The following GABRA2 variants were observed in gnomAD, a reference collection of about 807,000 sequenced individuals.
GABRA2 encodes gamma-aminobutyric acid type A receptor subunit alpha2.
In GABRA2, 16 loss-of-function variants were observed where a neutral mutation model predicts 48.7. The observed-to-expected ratio is 0.33, with a 90% CI of 0.22 to 0.50. The LOEUF (loss-of-function observed/expected upper bound fraction) is 0.50, where lower values mean the gene tolerates loss of function less well. Ranked by LOEUF, GABRA2 falls within the 20% of genes least tolerant of loss-of-function variation. The probability of loss-of-function intolerance (pLI) is 0.98; values close to 1 mark genes in which losing one functional copy is unlikely to be tolerated. For missense variants in GABRA2, 275 were observed against 535.6 expected, an observed-to-expected ratio of 0.51 and a Z score of 4.80; for synonymous variants, 185 against 184.5, an observed-to-expected ratio of 1.00 and a Z score of -0.02.
At chr4:46,295,666 T>C (rs1724499597) in intron 8 of GABRA2, among the ~76,000 whole-genome samples, 1 of 152,122 alleles carries the variant, frequency 6.6e-6, no homozygotes, top group African/African-American at 2.4e-5. Context: ...CACTGCTGGG[T>C]ACCCGATTTG....
intron 3 of GABRA2, among the ~76,000 whole-genome samples, chr4:46,373,718 G>T (rs1715277770): frequency 6.6e-6 from 1 of 152,004 alleles, no homozygotes; most frequent in African/African-American, 2.4e-5. Context: ...AACTCCCATT[G>T]TTGTATGATA....
intron 8 of GABRA2, among the ~76,000 whole-genome samples, chr4:46,299,699 C>A (rs1725402507): frequency 6.7e-6 from 1 of 149,360 alleles, no homozygotes. Context: ...TTTGTCTACC[C>A]AACCACATTA....
chr4:46,296,690 T>TG (rs1337417800), intron 8 of GABRA2, among the ~76,000 whole-genome samples: 2 of 139,100 alleles, frequency 1.4e-5, no homozygotes, highest in African/African-American at 5.3e-5. Context: ...CCTGCTGAGG[T>TG]GCTTGCTGAA....
chr4:46,309,542 T>A (rs1727276346), intron 6 of GABRA2, among the ~76,000 whole-genome samples: 1 of 151,886 alleles, frequency 6.6e-6, no homozygotes, highest in Admixed American at 6.6e-5. Flanking sequence ...TTGACCTTCC[T>A]CCTTTTCAAT....
intron 8 of GABRA2, among the ~76,000 whole-genome samples, chr4:46,268,269 G>C (rs1181923715): frequency 6.6e-6 from 1 of 151,720 alleles, no homozygotes; most frequent in Non-Finnish European, 1.5e-5. Context: ...TATGTGAATT[G>C]GTAGAAAAAA....
intron 8 of GABRA2, among the ~76,000 whole-genome samples, chr4:46,270,966 C>A (rs1424693390): frequency 6.7e-6 from 1 of 149,708 alleles, no homozygotes; most frequent in African/African-American, 2.4e-5. Context: ...AAATGAGTTT[C>A]TTCATGTAAA....
At chr4:46,317,751 A>T (rs776956709) in intron 4 of GABRA2, among the ~76,000 whole-genome samples, 323 of 150,792 alleles carry the variant, frequency 2.1e-3, no homozygotes, top group Non-Finnish European at 3.9e-3. Context: ...TGAGCCAGGT[A>T]AAAAAAAATG....
At chr4:46,327,748 A>C (rs1352041855) in intron 4 of GABRA2, among the ~76,000 whole-genome samples, 3 of 152,016 alleles carry the variant, frequency 2.0e-5, no homozygotes, top group Non-Finnish European at 4.4e-5. Flanking sequence ...AGAGGAAGAA[A>C]AGTATTAACT....
In GABRA2 at chr4:46,250,554, A is replaced by T. The variant is rs1435164674; in HGVS notation, c.1110T>A (p.Ala370=). ...AAAGATTCGGGGCATAATTGGCAACAGCCACTGCATAAGCGTTGTTCTGTA... is the reference window on the plus strand; with the variant it reads ...AAAGATTCGGGGCATAATTGGCAACTGCCACTGCATAAGCGTTGTTCTGTA... ...VMIQNNAYAV[A]VANYAPNLSK... is the part of the protein sequence containing the mutation. The change falls in exon 10 of 10, where the codon GCT becomes GCA. Residue 370 remains alanine (A), a synonymous_variant. Transcript: ENST00000381620. 1.2e-6 allele frequency: 2 copies of T among 1,611,586 alleles called. No individual in the cohort carries two copies. The highest frequency in any genetic ancestry group is 2.7e-5 in the African/African-American group (2 of 74,734).
At chr4:46,273,727 T>C (rs1719944726) in intron 8 of GABRA2, among the ~76,000 whole-genome samples, 1 of 151,938 alleles carries the variant, frequency 6.6e-6, no homozygotes, top group Admixed American at 6.6e-5. Flanking sequence ...CAGGATAGTC[T>C]TGGTATCAGA....
At chr4:46,262,931 GAAAGAAGAAAGAA>G (rs1215811063) in intron 8 of GABRA2, among the ~76,000 whole-genome samples, 1 of 112,980 alleles carries the variant, frequency 8.9e-6, no homozygotes, top group African/African-American at 3.5e-5. Context: ...GAGAGAGAAA[GAAAGAAGAAAGAA>G]AGAAAGAAAG....
chr4:46,345,265 C>T (rs1257778831), intron 3 of GABRA2, among the ~76,000 whole-genome samples: 1 of 151,802 alleles, frequency 6.6e-6, no homozygotes, highest in Non-Finnish European at 1.5e-5. Context: ...TATAAATTAC[C>T]CAGTCTTGGG....
chr4:46,276,680 T>C (rs1720577781), intron 8 of GABRA2, among the ~76,000 whole-genome samples: 1 of 151,960 alleles, frequency 6.6e-6, no homozygotes, highest in Non-Finnish European at 1.5e-5. Flanking sequence ...CAGGGAGATC[T>C]AATGTCAAAT....
chr4:46,376,996 T>C (rs1167134915), intron 3 of GABRA2, among the ~76,000 whole-genome samples: 4 of 152,182 alleles, frequency 2.6e-5, no homozygotes, highest in Non-Finnish European at 4.4e-5. Flanking sequence ...CTCGGCATCC[T>C]GAGGTGCCGG....
chr4:46,325,343 T>C (rs1227313636), intron 4 of GABRA2, among the ~76,000 whole-genome samples: 1 of 152,056 alleles, frequency 6.6e-6, no homozygotes, highest in Non-Finnish European at 1.5e-5. Context: ...ATTAATGATG[T>C]TGAACATTTT....
chr4:46,317,377 T>A (rs1196851665), intron 4 of GABRA2, among the ~76,000 whole-genome samples: 1 of 151,782 alleles, frequency 6.6e-6, no homozygotes, highest in African/African-American at 2.4e-5. Flanking sequence ...AGAATCTCGA[T>A]TTTTATATAT....
chr4:46,350,220 G>C (rs1041052145), intron 3 of GABRA2, among the ~76,000 whole-genome samples: 2 of 151,832 alleles, frequency 1.3e-5, no homozygotes, highest in Non-Finnish European at 2.9e-5. Context: ...AACACAACCA[G>C]TAAAAGGATT....
At position 46,247,777 on chromosome 4, in the gene GABRA2, A is replaced by G. The variant is rs1713979812; in HGVS notation, c.*2531T>C. Among the ~76,000 whole-genome samples, 1 of 151,434 alleles carries G rather than the reference A, an allele frequency of 6.6e-6. No individual in the cohort carries two copies. The highest frequency in any genetic ancestry group is 2.0e-4 in the East Asian group (1 of 5,120). On this transcript the variant is annotated 3_prime_UTR_variant, in exon 10 of 10. Transcript: ENST00000381620. ...TTATAATTGTTACGAATCTTGTTCT[A>G]TAATTTAAAAGCAATTTCCACGGAG...
chr4:46,390,125 G>A lies in GABRA2; in HGVS notation c.-401C>T. On this transcript the variant is annotated 5_prime_UTR_variant, in exon 1 of 10. Transcript: ENST00000381620. ...CGGCGGTGGCGGGCACGAGCCCCGC[G>A]CCTGGAGGAGGAGGAGTCAGGCCGG... The A allele has an allele frequency of 1.0e-6, 1 of 956,760 alleles. No individual in the cohort carries two copies. The highest frequency in any genetic ancestry group is 1.2e-6 in the Non-Finnish European group (1 of 804,300). 59.3% of individuals were successfully genotyped at this position (956,760 alleles called of 1,614,324 possible). A position where few individuals can be genotyped will look rare whatever the true frequency, so the allele number is the denominator to read the frequency against.
Sources: allele counts gnomAD v4.1 joint callset (sites outside exome capture counted in the v4.1 genomes callset), GRCh38; gene constraint gnomAD v4.1.1; transcripts MANE v1.5; gene names NCBI Gene and HGNC (gene_info 2026-07-23, HGNC 2026-07-21).